Variants in SPPL3 observed in about 807,000 individuals in gnomAD.
The protein encoded by SPPL3 is signal peptide peptidase like 3, also known as signal peptide peptidase-like 3.
SPPL3 carries 5 observed loss-of-function variants against 42.4 expected under a neutral mutation model. That is an observed-to-expected ratio of 0.12 (90% CI 0.06 to 0.25). The LOEUF is 0.25. Among genes scored for constraint, SPPL3 ranks in the 10% least tolerant of loss-of-function variants. The pLI is 1.00. For missense variants in SPPL3, 235 were observed against 489.0 expected (o/e 0.48, Z 4.90); for synonymous variants, 195 against 181.8 (o/e 1.07, Z -0.58).
chr12:120,773,366 G>A (rs574374674), intron 6 of SPPL3, among the ~76,000 whole-genome samples: 1 of 152,312 alleles, frequency 6.6e-6, no homozygotes, highest in South Asian at 2.1e-4. Flanking sequence ...ATAGATACTG[G>A]CTAGGGTGAT....
At chr12:120,805,107 G>A (rs1446889413) in intron 2 of SPPL3, among the ~76,000 whole-genome samples, 1 of 152,076 alleles carries the variant, frequency 6.6e-6, no homozygotes. Context: ...CTGCTAACTG[G>A]TACAAATTTT....
At chr12:120,852,432 C>CAT (rs761815709) in intron 1 of SPPL3, among the ~76,000 whole-genome samples, 622 of 9,686 alleles carry the variant, frequency 0.064, 89 homozygotes, top group South Asian at 0.097. Flanking sequence ...ACATATTTTA[C>CAT]ATATGAAATA....
In SPPL3 at chr12:120,778,147, T is replaced by C. The variant is rs562276202; in HGVS notation, c.502+4508A>G. On this transcript the variant is annotated intron_variant, in intron 6 of 10. Transcript: ENST00000353487. The stretch of plus-strand genomic sequence containing the variant: ...TTTTTTTTTTTTTGAGATGGAGTCT[T>C]ACTCTGTTGCCCAGGCTGGAGTGCA... 2.4e-5 allele frequency among the ~76,000 whole-genome samples: 3 copies of C among 126,518 alleles called. No individual in the cohort carries two copies. The Admixed American group carries it at 3.2e-4, about 13-fold the overall frequency. 83.0% of individuals were successfully genotyped at this position (126,518 alleles called of 152,430 possible). A position where few individuals can be genotyped will look rare whatever the true frequency, so the allele number is the denominator to read the frequency against.
chr12:120,889,444 A>G (rs1483244677), intron 1 of SPPL3, among the ~76,000 whole-genome samples: 1 of 152,228 alleles, frequency 6.6e-6, no homozygotes, highest in Non-Finnish European at 1.5e-5. Flanking sequence ...AAAAGAATGG[A>G]GCAGAAATGG....
At chr12:120,779,257 T>C (rs1205274550) in intron 6 of SPPL3, among the ~76,000 whole-genome samples, 2 of 152,290 alleles carry the variant, frequency 1.3e-5, no homozygotes, top group African/African-American at 4.8e-5. Context: ...TCTGGGTGGC[T>C]CTGGGCTCAG....
In SPPL3 at chr12:120,762,539, C is replaced by T. The variant is rs1592949266; in HGVS notation, c.*2460G>A. On this transcript the variant is annotated 3_prime_UTR_variant, in exon 11 of 11. Transcript: ENST00000353487. ...TTCCTTCTGTCTGGAATTTAATTTT[C>T]TTATGAAAACAAAGACAGAAAAATT... The T allele has an allele frequency of 6.6e-6, 1 of 151,610 alleles. No homozygotes were observed. The highest frequency in any genetic ancestry group is 6.6e-5 in the Admixed American group (1 of 15,228). The allele number at this position is 151,610 out of a possible 1,614,324, so 9.4% of individuals were successfully genotyped here.
At chr12:120,845,077 G>T (rs1481961247) in intron 1 of SPPL3, 9 of 345,750 alleles carry the variant, frequency 2.6e-5, no homozygotes, top group Non-Finnish European at 3.4e-5. Context: ...TAAAGCAGAG[G>T]GCAAGAGGAG....
chr12:120,815,185 T>G (rs1019549027), intron 1 of SPPL3, among the ~76,000 whole-genome samples: 20 of 152,206 alleles, frequency 1.3e-4, no homozygotes, highest in African/African-American at 4.8e-4. Flanking sequence ...ACTTGCAATT[T>G]GATAGATGTT....
intron 3 of SPPL3, among the ~76,000 whole-genome samples, chr12:120,786,365 C>T (rs1869720639): frequency 1.3e-5 from 2 of 152,082 alleles, no homozygotes; most frequent in African/African-American, 4.8e-5. Context: ...CAAAGAACAG[C>T]TAGAGGAAGC....
At chr12:120,821,670 T>C (rs1871075441) in intron 1 of SPPL3, among the ~76,000 whole-genome samples, 1 of 152,234 alleles carries the variant, frequency 6.6e-6, no homozygotes. Context: ...TACTATTTCA[T>C]AAGAAAAATG....
chr12:120,812,411 C>T (rs148842306), intron 1 of SPPL3, among the ~76,000 whole-genome samples: 17 of 152,070 alleles, frequency 1.1e-4, no homozygotes, highest in African/African-American at 4.1e-4. Flanking sequence ...GGATTACAGG[C>T]GTGAGCCACT....
intron 1 of SPPL3, among the ~76,000 whole-genome samples, chr12:120,843,547 C>T (rs1315274052): frequency 4.6e-5 from 7 of 152,210 alleles, no homozygotes; most frequent in Non-Finnish European, 5.9e-5. Context: ...TGTTCCTGCT[C>T]AGTCACATCT....
At chr12:120,815,250 C>T (rs183377246) in intron 1 of SPPL3, among the ~76,000 whole-genome samples, 2 of 152,332 alleles carry the variant, frequency 1.3e-5, no homozygotes, top group Admixed American at 6.5e-5. Context: ...CCGTAATGAA[C>T]TCAATGCTCC....
chr12:120,845,018 T>C (rs1871971386), intron 1 of SPPL3: 1 of 236,834 alleles, frequency 4.2e-6, no homozygotes, highest in Admixed American at 5.4e-5. Context: ...GACCGAACCA[T>C]GGAGGCAGCT....
chr12:120,824,373 T>C (rs932011402), intron 1 of SPPL3, among the ~76,000 whole-genome samples: 1 of 152,090 alleles, frequency 6.6e-6, no homozygotes, highest in Non-Finnish European at 1.5e-5. Context: ...CAAAAAAGTG[T>C]TAGTGATGTC....
Position 120,830,561 on chromosome 12 carries a change from G to GAA in SPPL3, c.24-19676_24-19675insTT, listed in dbSNP as rs1389618272. On this transcript the variant is annotated intron_variant, in intron 1 of 10. Coordinates refer to ENST00000353487, the MANE Select transcript of SPPL3 (RefSeq NM_139015.5). ...AGAGGGGAGGGGAGGGGAGGGGGAG[G>GAA]GGTGGGGGAGGGGGGGAAGGAGAGA... 1.3e-4 allele frequency among the ~76,000 whole-genome samples: 5 copies of GAA among 38,386 alleles called. 1 individual carries two copies. The highest frequency in any genetic ancestry group is 2.6e-4 in the African/African-American group (3 of 11,418). The allele number at this position is 38,386 out of a possible 152,430, so 25.2% of individuals were successfully genotyped here. A position where few individuals can be genotyped will look rare whatever the true frequency, so the allele number is the denominator to read the frequency against.
intron 1 of SPPL3, among the ~76,000 whole-genome samples, chr12:120,898,236 G>A (rs1436685721): frequency 1.3e-5 from 2 of 150,144 alleles, no homozygotes; most frequent in African/African-American, 4.9e-5. Context: ...CCTGGGAAGC[G>A]GAGGTTGCAG....
chr12:120,888,174 C>G (rs1312492228), intron 1 of SPPL3, among the ~76,000 whole-genome samples: 1 of 152,152 alleles, frequency 6.6e-6, no homozygotes, highest in Admixed American at 6.5e-5. Flanking sequence ...CTCTTGCGTT[C>G]AAGTGATTCT....
In SPPL3 at chr12:120,764,391, G is replaced by A. The variant is rs12296508; in HGVS notation, c.*608C>T. On this transcript the variant is annotated 3_prime_UTR_variant, in exon 11 of 11. Coordinates refer to ENST00000353487, the MANE Select transcript of SPPL3 (RefSeq NM_139015.5). ...GCCAACACAACATCTGGGTGGACAT[G>A]AACTCATTACAACAAATTCTTATGT... is the stretch of plus-strand genomic sequence containing the variant. 6.5e-6 allele frequency: 1 copy of A among 152,982 alleles called. No individual in the cohort carries two copies. Among genetic ancestry groups the A allele is most frequent in the Non-Finnish European group, 1.5e-5 (1 of 68,366 alleles). The allele number at this position is 152,982 out of a possible 1,614,324, so 9.5% of individuals were successfully genotyped here.
Sources: allele counts gnomAD v4.1 joint callset (sites outside exome capture counted in the v4.1 genomes callset), GRCh38; gene constraint gnomAD v4.1.1; transcripts MANE v1.5; gene names NCBI Gene and HGNC (gene_info 2026-07-23, HGNC 2026-07-21).